Variants in LOC400499 observed in about 807,000 individuals in gnomAD.
the LOC400499 span, chr16:11,502,069 GACCTT>G: frequency 2.5e-6 from 1 of 399,096 alleles, no homozygotes; most frequent in Non-Finnish European, 4.4e-6. Context: ...CCCGGAGAGG[GACCTT>G]ACCCATTGTC....
chr16:11,385,008 G>A, the LOC400499 span: 62 of 1,232,160 alleles, frequency 5.0e-5, 1 homozygote, highest in Non-Finnish European at 6.1e-5. Flanking sequence ...GTGGCAGGAT[G>A]CAGCTTGAGG....
At chr16:11,403,081 C>T in the LOC400499 span, among the ~76,000 whole-genome samples, 7 of 152,024 alleles carry the variant, frequency 4.6e-5, no homozygotes, top group South Asian at 2.1e-4. Flanking sequence ...ACCTGACCTC[C>T]GACATCACTT....
chr16:11,386,746 G>C, the LOC400499 span, among the ~76,000 whole-genome samples: 1 of 152,220 alleles, frequency 6.6e-6, no homozygotes, highest in South Asian at 2.1e-4. Flanking sequence ...TGGCCACACA[G>C]CAAGCCTGAG....
chr16:11,451,561 AACAAAC>A, the LOC400499 span, among the ~76,000 whole-genome samples: 23 of 145,642 alleles, frequency 1.6e-4, no homozygotes, highest in Admixed American at 1.5e-3. Flanking sequence ...AAAACAAACA[AACAAAC>A]AAACAAACAA....
chr16:11,487,730 G>T, the LOC400499 span, among the ~76,000 whole-genome samples: 1 of 147,882 alleles, frequency 6.8e-6, no homozygotes, highest in African/African-American at 2.5e-5. Context: ...GGCAGTCTCA[G>T]TGTGGGGCTA....
At chr16:11,493,017 AAG>A in the LOC400499 span, among the ~76,000 whole-genome samples, 1 of 152,242 alleles carries the variant, frequency 6.6e-6, no homozygotes, top group Non-Finnish European at 1.5e-5. Flanking sequence ...GGCCTGGGGC[AAG>A]AGAGGGTCAC....
the LOC400499 span, among the ~76,000 whole-genome samples, chr16:11,405,163 C>T: frequency 2.6e-5 from 4 of 152,176 alleles, no homozygotes; most frequent in African/African-American, 9.7e-5. Context: ...CTCTCTGAGC[C>T]TCAGTTTCCT....
chr16:11,491,693 T>C, the LOC400499 span: 1 of 167,168 alleles, frequency 6.0e-6, no homozygotes, highest in Non-Finnish European at 1.2e-5. Flanking sequence ...CACACACCCA[T>C]GGCTCACCCT....
the LOC400499 span, among the ~76,000 whole-genome samples, chr16:11,374,844 A>G: frequency 2.6e-5 from 4 of 152,070 alleles, no homozygotes; most frequent in African/African-American, 9.7e-5. Context: ...GAATTGCTGG[A>G]TTGTATGGTA....
chr16:11,384,255 A>G, the LOC400499 span: 1 of 1,232,350 alleles, frequency 8.1e-7, no homozygotes, highest in Non-Finnish European at 1.0e-6. Context: ...TGCGGGCCAT[A>G]GAGCCATCCG....
chr16:11,417,877 C>T, the LOC400499 span: 2,432 of 398,616 alleles, frequency 6.1e-3, 67 homozygotes, highest in African/African-American at 0.045. Flanking sequence ...CCACCCTGTG[C>T]AGAGAGAGCC....
the LOC400499 span, among the ~76,000 whole-genome samples, chr16:11,419,327 C>G: frequency 6.6e-6 from 1 of 151,836 alleles, no homozygotes; most frequent in African/African-American, 2.4e-5. Context: ...TTTGACAAAC[C>G]TGAGAAAAAC....
At chr16:11,446,734 C>A in the LOC400499 span, 1 of 1,535,220 alleles carries the variant, frequency 6.5e-7, no homozygotes, top group Non-Finnish European at 8.7e-7. Flanking sequence ...GGGCTATGCC[C>A]CAGACACACT....
chr16:11,510,344 CT>C, the LOC400499 span, among the ~76,000 whole-genome samples: 3 of 151,950 alleles, frequency 2.0e-5, no homozygotes, highest in African/African-American at 7.3e-5. Context: ...CAGACCTCTC[CT>C]TAGCCCCCCA....
chr16:11,506,100 G>C, the LOC400499 span, among the ~76,000 whole-genome samples: 1 of 152,022 alleles, frequency 6.6e-6, no homozygotes, highest in Non-Finnish European at 1.5e-5. Context: ...GCAGTGGAGT[G>C]ATCTCGGCTC....
the LOC400499 span, among the ~76,000 whole-genome samples, chr16:11,510,085 A>C: frequency 6.6e-6 from 1 of 151,578 alleles, no homozygotes; most frequent in South Asian, 2.1e-4. Flanking sequence ...GTGATGGCAG[A>C]AACTGCCCTC....
the LOC400499 span, among the ~76,000 whole-genome samples, chr16:11,474,515 C>T: frequency 1.3e-5 from 2 of 152,062 alleles, no homozygotes; most frequent in Admixed American, 6.6e-5. Flanking sequence ...TTTTGGTTTG[C>T]TTGTATAGGG....
At chr16:11,399,901 G>T in the LOC400499 span, 3 of 398,200 alleles carry the variant, frequency 7.5e-6, no homozygotes, top group Non-Finnish European at 1.3e-5. Flanking sequence ...AGCCATCTCT[G>T]TTGGGAAATG....
At chr16:11,505,877 G>C in the LOC400499 span, among the ~76,000 whole-genome samples, 2 of 152,072 alleles carry the variant, frequency 1.3e-5, no homozygotes, top group South Asian at 2.1e-4. Context: ...CTTTACGTTA[G>C]AAACGTTCAA....
Sources: gnomAD v4.1 joint callset for allele counts (sites outside exome capture counted in the v4.1 genomes callset) on GRCh38, gnomAD v4.1.1 for gene constraint, MANE v1.5 for transcripts.